Variants in ANO2 observed in about 807,000 individuals in gnomAD.
ANO2 encodes the protein anoctamin 2.
In ANO2, 101 loss-of-function variants were observed where a neutral mutation model predicts 124.2. The ratio of observed to expected loss-of-function variants is 0.81; its 90% CI spans 0.69 to 0.96. ANO2 has a LOEUF of 0.96. Among genes scored for constraint, ANO2 ranks in the 40% least tolerant of loss-of-function variants. ANO2 has a pLI of 0.00. For missense variants in ANO2, 1,293 were observed against 1,274.5 expected, an observed-to-expected ratio of 1.01 and a Z score of -0.22; for synonymous variants, 486 against 482.5, an observed-to-expected ratio of 1.01 and a Z score of -0.09.
chr12:5,801,349 T>C (rs887085199), intron 9 of ANO2, among the ~76,000 whole-genome samples: 1 of 152,256 alleles, frequency 6.6e-6, no homozygotes, highest in Admixed American at 6.5e-5. Flanking sequence ...GCTGAATCAA[T>C]ATCGGCATTT....
At chr12:5,731,469 G>T (rs545537878) in intron 14 of ANO2, among the ~76,000 whole-genome samples, 1 of 152,136 alleles carries the variant, frequency 6.6e-6, no homozygotes, top group East Asian at 1.9e-4. Context: ...CTTAAAGAAT[G>T]TGAAATGAAA....
chr12:5,928,340 G>A (rs574428225), intron 1 of ANO2, among the ~76,000 whole-genome samples: 1 of 152,306 alleles, frequency 6.6e-6, no homozygotes, highest in African/African-American at 2.4e-5. Flanking sequence ...ACAGGCCCAG[G>A]GCTGCCCTGT....
chr12:5,846,809 A>G (rs1954698058), intron 4 of ANO2, among the ~76,000 whole-genome samples: 1 of 152,166 alleles, frequency 6.6e-6, no homozygotes, highest in Non-Finnish European at 1.5e-5. Context: ...GTTCTATTCT[A>G]AATCCAGGAT....
intron 14 of ANO2, among the ~76,000 whole-genome samples, chr12:5,707,149 A>T (rs1949643324): frequency 6.6e-6 from 1 of 152,138 alleles, no homozygotes; most frequent in Non-Finnish European, 1.5e-5. Context: ...TGTTCTCATG[A>T]CAGTGAGGAG....
At chr12:5,600,240 TGA>T (rs1248979522) in intron 19 of ANO2, among the ~76,000 whole-genome samples, 1 of 152,122 alleles carries the variant, frequency 6.6e-6, no homozygotes, top group Non-Finnish European at 1.5e-5. Flanking sequence ...GGTGGCTTTA[TGA>T]GTAGAGGAAG....
chr12:5,804,964 G>C lies in ANO2; in HGVS notation c.990+1088C>G, dbSNP rs1953147286. On this transcript the variant is annotated intron_variant, in intron 9 of 24. Coordinates refer to ENST00000682330, the MANE Select transcript of ANO2 (RefSeq NM_001364791.2). ...GGGAGGACAGAAAATGGTTGGGCGA[G>C]AGAGGTGAGATGTGGTGAGACATGC... is the stretch of plus-strand genomic sequence containing the variant. 2.6e-5 allele frequency among the ~76,000 whole-genome samples: 4 copies of C among 152,112 alleles called. 1 individual carries two copies. The South Asian group carries it at 8.3e-4, about 32-fold the overall frequency.
At chr12:5,626,261 T>C (rs1410938706) in intron 16 of ANO2, among the ~76,000 whole-genome samples, 3 of 151,862 alleles carry the variant, frequency 2.0e-5, no homozygotes, top group Non-Finnish European at 2.9e-5. Flanking sequence ...CCAGGGTGAG[T>C]TCCCAGGGAG....
chr12:5,875,795 A>G (rs528281083), intron 3 of ANO2, among the ~76,000 whole-genome samples: 2 of 151,952 alleles, frequency 1.3e-5, no homozygotes, highest in African/African-American at 4.8e-5. Flanking sequence ...GCCACTAGAA[A>G]AAGATGATAA....
At chr12:5,937,099 A>G (rs1288701790) in intron 1 of ANO2, among the ~76,000 whole-genome samples, 1 of 150,342 alleles carries the variant, frequency 6.7e-6, no homozygotes, top group Admixed American at 6.6e-5. Context: ...TCTGGGTCAT[A>G]TGGTGGTTCC....
intron 3 of ANO2, among the ~76,000 whole-genome samples, chr12:5,913,239 A>G (rs1249054570): frequency 2.0e-5 from 3 of 152,342 alleles, no homozygotes; most frequent in South Asian, 2.1e-4. Context: ...CTTGAGAATT[A>G]TAAGAGGAGA....
chr12:5,652,915 T>C (rs1946979013), intron 14 of ANO2, among the ~76,000 whole-genome samples: 1 of 152,198 alleles, frequency 6.6e-6, no homozygotes, highest in Non-Finnish European at 1.5e-5. Context: ...AGTGCCCACA[T>C]TTAAGGTGGG....
At chr12:5,867,119 T>C (rs1955446916) in intron 3 of ANO2, among the ~76,000 whole-genome samples, 1 of 152,110 alleles carries the variant, frequency 6.6e-6, no homozygotes, top group African/African-American at 2.4e-5. Context: ...CTAGGAGCCA[T>C]TACTCCTTCA....
At chr12:5,759,708 A>G (rs1252917389) in intron 10 of ANO2, among the ~76,000 whole-genome samples, 1 of 151,472 alleles carries the variant, frequency 6.6e-6, no homozygotes, top group Non-Finnish European at 1.5e-5. Flanking sequence ...CAGCCTGTGG[A>G]AAAATTATCT....
intron 7 of ANO2, among the ~76,000 whole-genome samples, chr12:5,813,864 G>GC (rs1953514621): frequency 2.0e-5 from 3 of 152,170 alleles, no homozygotes; most frequent in African/African-American, 7.2e-5. Context: ...GCACTGAGAG[G>GC]CCCCATTTGT....
chr12:5,805,959 T>G, intron 9 of ANO2, 93 bp downstream of exon 9: 1 of 1,269,598 alleles, frequency 7.9e-7, no homozygotes, highest in Non-Finnish European at 1.1e-6. Flanking sequence ...GATAAGCAGG[T>G]AAAGAGAACA....
intron 15 of ANO2, 51 bp downstream of exon 15, chr12:5,647,676 C>T (rs1946713540): frequency 7.4e-7 from 1 of 1,346,702 alleles, no homozygotes. Context: ...AGTCACATAA[C>T]AGCATCTACA....
At chr12:5,854,862 C>G (rs950958566) in intron 3 of ANO2, among the ~76,000 whole-genome samples, 1 of 151,546 alleles carries the variant, frequency 6.6e-6, no homozygotes, top group Non-Finnish European at 1.5e-5. Context: ...TCATCTGGCC[C>G]TTGTCACTAT....
chr12:5,930,547 G>A, intron 1 of ANO2, among the ~76,000 whole-genome samples: 1 of 152,166 alleles, frequency 6.6e-6, no homozygotes, highest in East Asian at 1.9e-4. Context: ...TCCTGCTGAA[G>A]GCATGCCCTG....
chr12:5,923,165 C>CAT lies in ANO2; in HGVS notation c.23-362_23-361insAT, dbSNP rs1434182237. 3.4e-4 allele frequency among the ~76,000 whole-genome samples: 15 copies of CAT among 43,768 alleles called. 3 individuals are homozygous for CAT. The highest frequency in any genetic ancestry group is 1.4e-3 in the Admixed American group (5 of 3,564). The allele number at this position is 43,768 out of a possible 152,430, so 28.7% of individuals were successfully genotyped here. A position where few individuals can be genotyped will look rare whatever the true frequency, so the allele number is the denominator to read the frequency against. ...ACATGCACACATACACACACGCATA[C>CAT]ACACACACGCACACACACATACACA... is the stretch of plus-strand genomic sequence containing the variant. On this transcript the variant is annotated intron_variant, in intron 1 of 24. Transcript: ENST00000682330.
Sources: gnomAD v4.1 joint callset for allele counts (sites outside exome capture counted in the v4.1 genomes callset) on GRCh38, gnomAD v4.1.1 for gene constraint, MANE v1.5 for transcripts, NCBI Gene and HGNC (gene_info 2026-07-23, HGNC 2026-07-21) for gene names.